Variants in PHACTR3 observed in about 807,000 individuals in gnomAD.
PHACTR3 encodes protein phosphatase 1, regulatory subunit 123.
A neutral mutation model predicts 66.8 loss-of-function variants in PHACTR3; 16 were observed. The ratio of observed to expected loss-of-function variants is 0.24; its 90% CI spans 0.16 to 0.36. The LOEUF is 0.36. Ranked by LOEUF, PHACTR3 falls within the 10% of genes least tolerant of loss-of-function variation. PHACTR3 has a pLI of 1.00. For missense variants in PHACTR3, 647 were observed against 719.9 expected, an observed-to-expected ratio of 0.90 and a Z score of 1.16; for synonymous variants, 323 against 292.1, an observed-to-expected ratio of 1.11 and a Z score of -1.08.
At chr20:59,644,615 C>T (rs898007011) in intron 1 of PHACTR3, among the ~76,000 whole-genome samples, 1 of 152,204 alleles carries the variant, frequency 6.6e-6, no homozygotes, top group African/African-American at 2.4e-5. Flanking sequence ...CGGTACGAGA[C>T]AGAAGCTGGT....
intron 7 of PHACTR3, among the ~76,000 whole-genome samples, chr20:59,789,300 G>A (rs2041020153): frequency 6.6e-6 from 1 of 152,148 alleles, no homozygotes; most frequent in Non-Finnish European, 1.5e-5. Context: ...GGACAGGAAG[G>A]AGCTATGTAA....
At chr20:59,721,025 C>T (rs1443937693) in intron 1 of PHACTR3, among the ~76,000 whole-genome samples, 1 of 152,188 alleles carries the variant, frequency 6.6e-6, no homozygotes, top group Non-Finnish European at 1.5e-5. Context: ...CTGTGGCTGG[C>T]TAGCATTTAT....
intron 1 of PHACTR3, among the ~76,000 whole-genome samples, chr20:59,730,224 A>T (rs758966599): frequency 6.6e-6 from 1 of 152,200 alleles, no homozygotes; most frequent in Non-Finnish European, 1.5e-5. Flanking sequence ...GCTGAAGGCC[A>T]TGGTGGAAAA....
At chr20:59,768,967 G>T (rs2040275573) in intron 5 of PHACTR3, among the ~76,000 whole-genome samples, 1 of 152,198 alleles carries the variant, frequency 6.6e-6, no homozygotes, top group Non-Finnish European at 1.5e-5. Context: ...AAGTAGTATT[G>T]GTTTGTGGGA....
rs537109793 is a variant in PHACTR3 at position 59,747,958 on chromosome 20, T to G, written c.358+123T>G. 14 of 1,034,068 alleles carry G rather than the reference T, an allele frequency of 1.4e-5. No homozygotes were observed. The Admixed American group carries it at 2.4e-4, about 18-fold the overall frequency. The allele number at this position is 1,034,068 out of a possible 1,614,324, so 64.1% of individuals were successfully genotyped here. ...GAATCCAAGGAGGGCCGTGTTCAGA[T>G]GAAGCCTGCAAGGTTGGAGAGACAC... On this transcript the variant is annotated intron_variant, in intron 3 of 12. Coordinates refer to ENST00000371015, the MANE Select transcript of PHACTR3 (RefSeq NM_080672.5).
chr20:59,584,755 T>A (rs2032971225), intron 1 of PHACTR3, among the ~76,000 whole-genome samples: 1 of 152,088 alleles, frequency 6.6e-6, no homozygotes, highest in Admixed American at 6.5e-5. Flanking sequence ...GCTCCTGGCC[T>A]CCCGTGGAGT....
At chr20:59,754,635 A>G (rs551252668) in intron 3 of PHACTR3, among the ~76,000 whole-genome samples, 2 of 152,368 alleles carry the variant, frequency 1.3e-5, no homozygotes, top group East Asian at 3.9e-4. Flanking sequence ...CCTGCATCTC[A>G]GAGACCTACA....
chr20:59,713,925 T>G (rs1456658267), intron 1 of PHACTR3, among the ~76,000 whole-genome samples: 1 of 152,184 alleles, frequency 6.6e-6, no homozygotes, highest in Non-Finnish European at 1.5e-5. Context: ...TACTGTCAGC[T>G]TTTTCTAAAC....
At chr20:59,826,474 C>A (rs1417297067) in intron 8 of PHACTR3, among the ~76,000 whole-genome samples, 2 of 152,068 alleles carry the variant, frequency 1.3e-5, no homozygotes, top group Non-Finnish European at 2.9e-5. Flanking sequence ...ACATTCCTTC[C>A]AGTGCGCTCC....
chr20:59,708,406 G>A (rs537111188), intron 1 of PHACTR3, among the ~76,000 whole-genome samples: 1 of 152,194 alleles, frequency 6.6e-6, no homozygotes, highest in Non-Finnish European at 1.5e-5. Flanking sequence ...GAGGCAGGAA[G>A]GGGGAACATG....
At chr20:59,589,134 A>G (rs1294991750) in intron 1 of PHACTR3, among the ~76,000 whole-genome samples, 1 of 152,228 alleles carries the variant, frequency 6.6e-6, no homozygotes, top group Non-Finnish European at 1.5e-5. Context: ...TACCAGGGTA[A>G]TCTTTGTTAC....
intron 1 of PHACTR3, among the ~76,000 whole-genome samples, chr20:59,578,348 C>T (rs1433329580): frequency 6.6e-6 from 1 of 152,268 alleles, no homozygotes; most frequent in Middle Eastern, 3.4e-3. Flanking sequence ...AGGCAGAGCC[C>T]GGAGTGGGGT....
intron 7 of PHACTR3, among the ~76,000 whole-genome samples, chr20:59,801,934 T>C (rs1169479396): frequency 6.6e-6 from 1 of 152,226 alleles, no homozygotes; most frequent in Admixed American, 6.5e-5. Context: ...TCCTCATCTT[T>C]GCTCTTCAGT....
chr20:59,811,006 G>A (rs1198217835), intron 8 of PHACTR3, among the ~76,000 whole-genome samples: 1 of 152,238 alleles, frequency 6.6e-6, no homozygotes, highest in East Asian at 1.9e-4. Flanking sequence ...TGCCGGCGAT[G>A]TGCTTGACGT....
upstream of PHACTR3, chr20:59,603,601 C>T: frequency 6.6e-6 from 1 of 152,292 alleles, no homozygotes; most frequent in Non-Finnish European, 1.5e-5. Context: ...AGCAGGAGGA[C>T]CCTTGGTGAG....
In PHACTR3 at chr20:59,604,961, G is replaced by C; in HGVS notation, c.-54G>C. ...CTCGCCGGTGACCTTGGCCGCCTCG[G>C]ATGCTCTGATTCCACGCGGCTCGCT... On this transcript the variant is annotated 5_prime_UTR_variant, in exon 1 of 13. Transcript: ENST00000371015. 1.6e-6 allele frequency: 2 copies of C among 1,245,678 alleles called. No homozygotes were observed. Among genetic ancestry groups the C allele is most frequent in the Non-Finnish European group, 1.0e-6 (1 of 991,674 alleles). The allele number at this position is 1,245,678 out of a possible 1,614,324, so 77.2% of individuals were successfully genotyped here. A position where few individuals can be genotyped will look rare whatever the true frequency, so the allele number is the denominator to read the frequency against.
In PHACTR3 at chr20:59,788,286, C is replaced by CT. The variant is rs2040984761; in HGVS notation, c.1174+13797dup. 3.3e-5 allele frequency among the ~76,000 whole-genome samples: 5 copies of CT among 152,316 alleles called. No individual in the cohort carries two copies. The South Asian group carries it at 1.0e-3, about 32-fold the overall frequency. On this transcript the variant is annotated intron_variant, in intron 7 of 12. Coordinates refer to ENST00000371015, the MANE Select transcript of PHACTR3 (RefSeq NM_080672.5). ...CGTCATCGTACAGATGCGTTTTTCT[C>CT]TAGAGAAAGTTCATCAGCCCAGAAG...
rs1463668015 is a variant in PHACTR3, at chr20:59,830,802, A to G, written c.1329-5703A>G. On this transcript the variant is annotated intron_variant, in intron 8 of 12. Coordinates refer to ENST00000371015, the MANE Select transcript of PHACTR3 (RefSeq NM_080672.5). The surrounding 1 kb of genome is among the most constrained non-coding windows in gnomAD (Gnocchi z 5.8). ...AGAGGCTCAAGTAAGGGAGGGCGTG[A>G]CGCCATCACCCAGCTGGCAGGGGTC... 1.3e-5 allele frequency among the ~76,000 whole-genome samples: 2 copies of G among 152,110 alleles called. No individual in the cohort carries two copies. Among genetic ancestry groups the G allele is most frequent in the East Asian group, 1.9e-4 (1 of 5,180 alleles).
chr20:59,825,233 C>G (rs770832681), intron 8 of PHACTR3, among the ~76,000 whole-genome samples: 1 of 152,190 alleles, frequency 6.6e-6, no homozygotes, highest in Non-Finnish European at 1.5e-5. Context: ...GCTGTGCAAG[C>G]GTGGGACTGT....
Sources: gnomAD v4.1 joint callset for allele counts (sites outside exome capture counted in the v4.1 genomes callset) on GRCh38, gnomAD v4.1.1 for gene constraint, Gnocchi (gnomAD v3.1) non-coding constraint, MANE v1.5 for transcripts, NCBI Gene and HGNC (gene_info 2026-07-23, HGNC 2026-07-21) for gene names.